Variants in CLCN1 observed in about 807,000 individuals in gnomAD.
CLCN1 encodes chloride channel protein 1.
Under a neutral mutation model 114.5 loss-of-function variants are expected in CLCN1, and 100 were observed. That is an observed-to-expected ratio of 0.87 (90% confidence interval 0.74 to 1.03). CLCN1 has a LOEUF of 1.03. CLCN1 is among the 50% of genes least tolerant of loss of function. The pLI, the probability that CLCN1 is intolerant of heterozygous loss-of-function variation, is 0.00. For missense variants in CLCN1, 1,188 were observed against 1,250.0 expected, an observed-to-expected ratio of 0.95 and a Z score of 0.75; for synonymous variants, 485 against 487.1, an observed-to-expected ratio of 1.00 and a Z score of 0.06.
rs749846585 is a variant in CLCN1, at chr7:143,332,748, A to G, written c.1276A>G (p.Thr426Ala). 6.2e-7 allele frequency: 1 copy of G among 1,614,180 alleles called. No individual in the cohort carries two copies. The highest frequency in any genetic ancestry group is 2.2e-5 in the East Asian group (1 of 44,874). Residue 426 changes from threonine to alanine, a missense_variant, in exon 12 of 23, where the codon ACT becomes GCT. Transcript: ENST00000343257. ...GELMPREAIS[T>A]LFDNNTWVKH... ...GTTGATGCCCCGCGAAGCCATCAGT[A>G]CTTTGTTTGACAACAATACATGGGT...
intron 16 of CLCN1, among the ~76,000 whole-genome samples, chr7:143,344,118 G>C (rs552477135): frequency 6.6e-6 from 1 of 152,368 alleles, no homozygotes; most frequent in Non-Finnish European, 1.5e-5. Context: ...GGGATTACAG[G>C]CATGAGCCAC....
chr7:143,331,365 G>A, intron 9 of CLCN1, 49 bp downstream of exon 9: 1 of 1,404,288 alleles, frequency 7.1e-7, no homozygotes, highest in Non-Finnish European at 1.0e-6. Flanking sequence ...TGTGGAGTGA[G>A]GCTGTAGATT....
chr7:143,340,998 T>C (rs906909434), intron 14 of CLCN1, among the ~76,000 whole-genome samples: 13 of 152,182 alleles, frequency 8.5e-5, no homozygotes, highest in African/African-American at 3.1e-4. Flanking sequence ...AGGGAGCTTA[T>C]AGAATTATAA....
At position 143,324,404 on chromosome 7, in the gene CLCN1, C is replaced by T. The variant is rs1586489258; in HGVS notation, c.775-10C>T. ...TCCACCTGTTTCTCTGTCTGTCTCTCCCCTAGTAGCAGCCATACTACTACT... is the reference window on the plus strand; with the variant it reads ...TCCACCTGTTTCTCTGTCTGTCTCTTCCCTAGTAGCAGCCATACTACTACT... On this transcript the variant is annotated splice_polypyrimidine_tract_variant and intron_variant, in intron 6 of 22. Coordinates refer to ENST00000343257, the MANE Select transcript of CLCN1 (RefSeq NM_000083.3). This position sits in a 1 kb window ranked among gnomAD's most constrained non-coding sequence, Gnocchi z 4.6. The T allele has an allele frequency of 1.2e-6, 2 of 1,608,820 alleles. No homozygotes were observed. Among genetic ancestry groups the T allele is most frequent in the Non-Finnish European group, 8.5e-7 (1 of 1,175,432 alleles).
chr7:143,344,325 C>T (rs569234011), intron 16 of CLCN1, among the ~76,000 whole-genome samples: 8 of 152,058 alleles, frequency 5.3e-5, no homozygotes, highest in African/African-American at 1.4e-4. Flanking sequence ...ATTCTATATA[C>T]CCAGAGTGCC....
At chr7:143,336,662 A>AGG (rs1175668408) in intron 12 of CLCN1, among the ~76,000 whole-genome samples, 3 of 46,764 alleles carry the variant, frequency 6.4e-5, no homozygotes, top group Non-Finnish European at 1.2e-4. Context: ...AGGAAGGGAA[A>AGG]GAAAGAAAGA....
At position 143,339,262 on chromosome 7, in the gene CLCN1, T is replaced by A; in HGVS notation, c.1411T>A (p.Ser471Thr). ...CTTCTTTCTACTCCAGTTCTGGATG[T>A]CCATCGTGGCCACCACTATGCCCAT... ...FLFFVMKFWM[S>T]IVATTMPIPC... Residue 471 changes from serine (S) to threonine (T), a missense_variant, in exon 13 of 23, where the codon TCC (serine) becomes ACC (threonine). Ser to Thr is a moderately conservative substitution (Grantham distance 58, BLOSUM62 1). Transcript: ENST00000343257. This position sits in a 1 kb window ranked among gnomAD's most constrained non-coding sequence, Gnocchi z 4.1. The A allele has an allele frequency of 6.2e-7, 1 of 1,609,502 alleles. No homozygotes were observed. The highest frequency in any genetic ancestry group is 8.5e-7 in the Non-Finnish European group (1 of 1,175,762).
rs80356687 is a variant in CLCN1 at position 143,324,442 on chromosome 7, C to T, written c.803C>T (p.Thr268Met). Residue 268 changes from threonine (T) to methionine (M), a missense_variant, in exon 7 of 23, where the codon ACG becomes ATG. Thr to Met is a moderately conservative substitution (Grantham distance 81). Coordinates refer to ENST00000343257, the MANE Select transcript of CLCN1 (RefSeq NM_000083.3). This position sits in a 1 kb window ranked among gnomAD's most constrained non-coding sequence, Gnocchi z 4.6. ...CCATACTACTACTCTGATATCCTGACGGTGGGCTGTGCTGTGGGAGTCGGC... is the reference window on the plus strand; with the variant it reads ...CCATACTACTACTCTGATATCCTGATGGTGGGCTGTGCTGTGGGAGTCGGC... Reference protein sequence around the residue: ...EQPYYYSDILTVGCAVGVGCC... With the variant: ...EQPYYYSDILMVGCAVGVGCC... 17 of 1,613,764 alleles carry T rather than the reference C, an allele frequency of 1.1e-5. No individual in the cohort carries two copies. Among genetic ancestry groups the T allele is most frequent in the African/African-American group, 2.7e-5 (2 of 74,898 alleles).
At chr7:143,331,792 TA>T (rs1377357182) in intron 10 of CLCN1, 140 bp downstream of exon 10, 6 of 706,172 alleles carry the variant, frequency 8.5e-6, no homozygotes, top group Non-Finnish European at 1.5e-5. Flanking sequence ...ATATTGTGGT[TA>T]GGGGGTGAAT....
chr7:143,345,793 G>A (rs1803226486), intron 17 of CLCN1, 31 bp downstream of exon 17: 1 of 1,562,164 alleles, frequency 6.4e-7, no homozygotes, highest in Admixed American at 1.7e-5. Context: ...TAGGGAGTGG[G>A]ATAGATCAGG....
intron 7 of CLCN1, among the ~76,000 whole-genome samples, chr7:143,325,150 T>C (rs1802543522): frequency 6.6e-6 from 1 of 152,386 alleles, no homozygotes; most frequent in Admixed American, 6.5e-5. Flanking sequence ...TCGTATCTGT[T>C]TATTGACTCA....
At chr7:143,333,654 G>T (rs1287278153) in intron 12 of CLCN1, among the ~76,000 whole-genome samples, 2 of 152,080 alleles carry the variant, frequency 1.3e-5, no homozygotes, top group African/African-American at 4.8e-5. Context: ...CTTCAAAAGG[G>T]ATAAAATATT....
In CLCN1 at chr7:143,325,777, A is replaced by G. The variant is rs888637805; in HGVS notation, c.853+1285A>G. ...AATTGGAATTTCTGAGAAGAATCAG[A>G]AAAGTTCTTCTTGGTCCTGTGTCAA... On this transcript the variant is annotated intron_variant, in intron 7 of 22. Coordinates refer to ENST00000343257, the MANE Select transcript of CLCN1 (RefSeq NM_000083.3). 4.6e-5 allele frequency among the ~76,000 whole-genome samples: 7 copies of G among 152,348 alleles called. No homozygotes were observed. In the East Asian group the frequency reaches 7.7e-4, roughly 17 times the overall value.
chr7:143,316,711 G>A (rs888365106), intron 1 of CLCN1, among the ~76,000 whole-genome samples: 1 of 152,152 alleles, frequency 6.6e-6, no homozygotes, highest in Non-Finnish European at 1.5e-5. Flanking sequence ...GATTGCGTAG[G>A]AGCCCACACT....
intron 20 of CLCN1, among the ~76,000 whole-genome samples, chr7:143,348,060 G>A (rs183225373): frequency 1.2e-3 from 185 of 152,252 alleles, no homozygotes; most frequent in African/African-American, 4.3e-3. Flanking sequence ...AAAAAAACAC[G>A]GCAGATATTA....
chr7:143,318,528 C>T (rs2116832642), intron 1 of CLCN1, among the ~76,000 whole-genome samples: 1 of 152,214 alleles, frequency 6.6e-6, no homozygotes, highest in East Asian at 1.9e-4. Flanking sequence ...TTGCTTCCAC[C>T]TTGGAATACT....
intron 12 of CLCN1, among the ~76,000 whole-genome samples, chr7:143,333,899 T>G (rs1260040276): frequency 6.6e-6 from 1 of 152,216 alleles, no homozygotes; most frequent in East Asian, 1.9e-4. Context: ...TTTCTACCCC[T>G]GGTTGTGACA....
rs1347902802 is a variant in CLCN1, at chr7:143,345,668, C to T, written c.2078C>T (p.Ala693Val). The T allele has an allele frequency of 2.6e-6, 4 of 1,564,414 alleles. No individual in the cohort carries two copies. The East Asian group carries it at 7.1e-5, about 28-fold the overall frequency. Residue 693 changes from alanine (A) to valine (V), a missense_variant, in exon 17 of 23, where the codon GCT becomes GTT. Ala to Val is a moderately conservative substitution (Grantham distance 64, BLOSUM62 0). Transcript: ENST00000343257. The part of the protein sequence containing the change: ...ELPYDGKARL[A>V]GEGLPGAPPG... ...CCTTACGACGGGAAGGCGCGGCTGG[C>T]TGGGGAGGGGCTCCCCGGCGCGCCT...
intron 16 of CLCN1, among the ~76,000 whole-genome samples, chr7:143,345,117 A>G (rs941677207): frequency 2.6e-5 from 4 of 152,100 alleles, no homozygotes; most frequent in African/African-American, 4.8e-5. Context: ...TTTTCCAGGG[A>G]GAGATATAAT....
Sources: allele counts gnomAD v4.1 joint callset (sites outside exome capture counted in the v4.1 genomes callset), GRCh38; gene constraint gnomAD v4.1.1; non-coding constraint Gnocchi (gnomAD v3.1); transcripts MANE v1.5; gene names NCBI Gene and HGNC (gene_info 2026-07-23, HGNC 2026-07-21).